Variants in TRAPPC11 observed in about 807,000 individuals in gnomAD.
TRAPPC11 encodes the protein trafficking protein particle complex subunit 11.
In TRAPPC11, 104 loss-of-function variants were observed where a neutral mutation model predicts 151.2. The ratio of observed to expected loss-of-function variants is 0.69; its 90% CI spans 0.59 to 0.81. The LOEUF (loss-of-function observed/expected upper bound fraction) is 0.81, where lower values mean the gene tolerates loss of function less well. Ranked by LOEUF, TRAPPC11 falls within the 30% of genes least tolerant of loss-of-function variation. The pLI is 0.00. For missense variants in TRAPPC11, 1,230 were observed against 1,349.6 expected (o/e 0.91, Z 1.39); for synonymous variants, 456 against 472.3 (o/e 0.97, Z 0.45).
chr4:183,707,064 T>C (rs557525238), intron 28 of TRAPPC11, 124 bp downstream of exon 28: 1 of 1,227,486 alleles, frequency 8.1e-7, no homozygotes, highest in African/African-American at 1.5e-5. Context: ...GTTTTGGTAA[T>C]AGTGAATTTT....
Position 183,684,774 on chromosome 4 carries a change from G to C in TRAPPC11, c.1500G>C (p.Leu500=). Residue 500 remains leucine, a synonymous_variant, in exon 15 of 30, where the codon CTG becomes CTC. Coordinates refer to ENST00000334690, the MANE Select transcript of TRAPPC11 (RefSeq NM_021942.6). The part of the protein sequence containing the change: ...TLLTSVLTTA[L]KCSYLMAQLK... ...TCACTTCTGTATTAACTACAGCTCT[G>C]AAGTGCTCCTACCTCATGGCCCAAT... 1 of 1,613,932 alleles carries C rather than the reference G, an allele frequency of 6.2e-7. No individual in the cohort carries two copies. Among genetic ancestry groups the C allele is most frequent in the Non-Finnish European group, 8.5e-7 (1 of 1,179,870 alleles).
intron 1 of TRAPPC11, among the ~76,000 whole-genome samples, chr4:183,661,594 A>C (rs576099137): frequency 7.9e-5 from 12 of 151,526 alleles, no homozygotes; most frequent in African/African-American, 2.9e-4. Context: ...GATGGTCTCG[A>C]TCTCCTGACC....
chr4:183,674,723 G>T lies in TRAPPC11; in HGVS notation c.571G>T (p.Ala191Ser). 1 of 1,539,846 alleles carries T rather than the reference G, an allele frequency of 6.5e-7. No homozygotes were observed. The highest frequency in any genetic ancestry group is 1.3e-5 in the South Asian group (1 of 78,420). Residue 191 changes from alanine (A) to serine (S), a missense_variant, in exon 6 of 30, where the codon GCC becomes TCC. By Grantham distance (99) the Ala-to-Ser change is moderately conservative. Coordinates refer to ENST00000334690, the MANE Select transcript of TRAPPC11 (RefSeq NM_021942.6). ...TTTTGTTTTTTACAGATTGGAAAAT[G>T]CCTTTTATGAACATGCACAGACTTA... ...LVGYIIRLEN[A>S]FYEHAQTYYY... is the part of the protein sequence containing the mutation.
chr4:183,684,491 G>GT lies in TRAPPC11; in HGVS notation c.1421+139dup, dbSNP rs954218762. On this transcript the variant is annotated intron_variant, in intron 14 of 29. Transcript: ENST00000334690. ...TGTTGTTAAACTCCATTTCTGTAAT[G>GT]TTTTTTTCAAGTGCTATTGATGGCA... The GT allele has an allele frequency of 6.2e-5, 66 of 1,058,318 alleles. No homozygotes were observed. In the African/African-American group the frequency reaches 1.0e-3, roughly 16 times the overall value. The allele number at this position is 1,058,318 out of a possible 1,614,324, so 65.6% of individuals were successfully genotyped here. A position where few individuals can be genotyped will look rare whatever the true frequency, so the allele number is the denominator to read the frequency against.
chr4:183,702,342 T>TAAAAAAAAAA (rs761830872), intron 26 of TRAPPC11, among the ~76,000 whole-genome samples: 1 of 125,472 alleles, frequency 8.0e-6, no homozygotes. Context: ...AGACCCTGTT[T>TAAAAAAAAAA]AAAAAAAAAA....
chr4:183,669,958 A>G (rs751564946), intron 5 of TRAPPC11, among the ~76,000 whole-genome samples: 12 of 152,232 alleles, frequency 7.9e-5, no homozygotes, highest in Non-Finnish European at 1.5e-4. Context: ...TGATGTAAAA[A>G]CAAGTGCCCT....
chr4:183,682,869 G>T (rs1735770121), intron 11 of TRAPPC11, 44 bp downstream of exon 11: 2 of 1,265,522 alleles, frequency 1.6e-6, no homozygotes, highest in Non-Finnish European at 2.3e-6. Context: ...ACCTCAAAAG[G>T]CAACAATAGC....
In TRAPPC11 at chr4:183,663,854, G is replaced by A. The variant is rs1220016156; in HGVS notation, c.-14G>A. The A allele has an allele frequency of 1.4e-6, 2 of 1,436,728 alleles. No homozygotes were observed. The highest frequency in any genetic ancestry group is 1.1e-5 in the South Asian group (1 of 88,160). The allele number at this position is 1,436,728 out of a possible 1,614,324, so 89.0% of individuals were successfully genotyped here. On this transcript the variant is annotated 5_prime_UTR_variant, in exon 2 of 30. In the 5' UTR this introduces an upstream ATG that the reference lacks. Transcript: ENST00000334690. Reference sequence around the variant, plus strand: ...TTAACATTTGTATTTCAGGTTTTTTGTGACATCGTAAACATGAGCCCCACA... The same window carrying A: ...TTAACATTTGTATTTCAGGTTTTTTATGACATCGTAAACATGAGCCCCACA...
intron 10 of TRAPPC11, among the ~76,000 whole-genome samples, chr4:183,681,227 A>G (rs1171317283): frequency 1.3e-5 from 2 of 152,012 alleles, no homozygotes. Context: ...AGTGAATATT[A>G]TCAGTAGTAC....
intron 27 of TRAPPC11, chr4:183,706,100 C>CACACACACACACACACACA (rs1161888168): frequency 6.7e-5 from 9 of 135,078 alleles, no homozygotes; most frequent in African/African-American, 2.1e-4. Context: ...ACACACACAC[C>CACACACACACACACACACA]CACCAAACAA....
At chr4:183,661,571 C>T (rs1361565845) in intron 1 of TRAPPC11, among the ~76,000 whole-genome samples, 1 of 151,600 alleles carries the variant, frequency 6.6e-6, no homozygotes, top group Non-Finnish European at 1.5e-5. Flanking sequence ...CGGGGTTTCA[C>T]CATGTTAGCC....
chr4:183,675,240 AAGTT>A lies in TRAPPC11; in HGVS notation c.734+5_734+8del. 1 of 1,519,538 alleles carries A rather than the reference AAGTT, an allele frequency of 6.6e-7. No homozygotes were observed. Among genetic ancestry groups the A allele is most frequent in the African/African-American group, 1.4e-5 (1 of 72,208 alleles). The allele number at this position is 1,519,538 out of a possible 1,614,324, so 94.1% of individuals were successfully genotyped here. ...CAAGATACACAAAATGCGCTGAAGT[AAGTT>A]AAGCTTTCAAACTAAATGTTTCCTA... On this transcript the variant is annotated splice_donor_5th_base_variant and intron_variant, in intron 7 of 29. Transcript: ENST00000334690.
chr4:183,679,688 A>G (rs921636143), intron 9 of TRAPPC11, among the ~76,000 whole-genome samples: 5 of 152,208 alleles, frequency 3.3e-5, no homozygotes, highest in Admixed American at 3.3e-4. Context: ...AATTCATGGT[A>G]CCATCTTTTT....
chr4:183,695,032 TC>T (rs1288978377), intron 23 of TRAPPC11, among the ~76,000 whole-genome samples: 4 of 145,354 alleles, frequency 2.8e-5, no homozygotes, highest in Non-Finnish European at 6.0e-5. Context: ...CACTGCGACC[TC>T]CACCTCCCGG....
At chr4:183,664,173 G>A in intron 2 of TRAPPC11, 102 bp downstream of exon 2, 1 of 984,542 alleles carries the variant, frequency 1.0e-6, no homozygotes, top group Middle Eastern at 3.2e-4. Flanking sequence ...TCAAGACAGT[G>A]GTCACAGTGG....
Position 183,675,170 on chromosome 4 carries a change from T to G in TRAPPC11, c.667T>G (p.Phe223Val). The change falls in exon 7 of 30, where the codon TTT becomes GTT. Residue 223 changes from phenylalanine (F) to valine (V), a missense_variant. Phe to Val is a conservative substitution (Grantham distance 50). Transcript: ENST00000334690. ...TTTTTTTGTCTCTTTTTAGCTTTTA[T>G]TTGTTAGGCATCAGTTCAAAATAGC... ...FLNKTTHQLL[F>V]VRHQFKIAFF... 6.6e-7 allele frequency: 1 copy of G among 1,506,350 alleles called. No individual in the cohort carries two copies. 93.3% of individuals were successfully genotyped at this position (1,506,350 alleles called of 1,614,324 possible).
At chr4:183,663,166 A>G (rs1005411981) in intron 1 of TRAPPC11, among the ~76,000 whole-genome samples, 1 of 151,570 alleles carries the variant, frequency 6.6e-6, no homozygotes, top group Non-Finnish European at 1.5e-5. Flanking sequence ...TCCTGGGTTC[A>G]AGTGATTCTC....
chr4:183,680,226 C>G lies in TRAPPC11; in HGVS notation c.1072C>G (p.Gln358Glu). The G allele has an allele frequency of 2.5e-6, 4 of 1,614,004 alleles. No homozygotes were observed. Among genetic ancestry groups the G allele is most frequent in the Non-Finnish European group, 3.4e-6 (4 of 1,179,964 alleles). ...TTACCAGCAGGCAGCATACTATGCCCAGGAGCGGAAACAGCTTGCAAAAAC... is the reference window on the plus strand; with the variant it reads ...TTACCAGCAGGCAGCATACTATGCCGAGGAGCGGAAACAGCTTGCAAAAAC... The part of the protein sequence containing the change: ...FYYQQAAYYA[Q>E]ERKQLAKTLC... Residue 358 changes from glutamine (Q) to glutamate (E), a missense_variant, in exon 10 of 30, where the codon CAG becomes GAG. Coordinates refer to ENST00000334690, the MANE Select transcript of TRAPPC11 (RefSeq NM_021942.6).
chr4:183,707,305 T>C (rs1737125051), intron 28 of TRAPPC11, among the ~76,000 whole-genome samples: 1 of 151,588 alleles, frequency 6.6e-6, no homozygotes, highest in African/African-American at 2.4e-5. Context: ...TTCACTGTCC[T>C]AATATTAACA....
Sources: allele counts gnomAD v4.1 joint callset (sites outside exome capture counted in the v4.1 genomes callset), GRCh38; gene constraint gnomAD v4.1.1; transcripts MANE v1.5; gene names NCBI Gene and HGNC (gene_info 2026-07-23, HGNC 2026-07-21).